The following ADAM12 variants were observed in gnomAD, a reference collection of about 807,000 sequenced individuals.
ADAM12 encodes the protein ADAM metallopeptidase domain 12.
Under a neutral mutation model 106.4 loss-of-function variants are expected in ADAM12, and 70 were observed. The ratio of observed to expected loss-of-function variants is 0.66; its 90% confidence interval spans 0.54 to 0.80. The LOEUF (loss-of-function observed/expected upper bound fraction) is 0.80, where lower values mean the gene tolerates loss of function less well. Ranked by LOEUF, ADAM12 falls within the 30% of genes least tolerant of loss-of-function variation. ADAM12 has a pLI of 0.00. For missense variants in ADAM12, 1,010 were observed against 1,171.9 expected, an observed-to-expected ratio of 0.86 and a Z score of 2.02; for synonymous variants, 420 against 433.5, an observed-to-expected ratio of 0.97 and a Z score of 0.39.
At chr10:126,105,894 T>C (rs187623192) in intron 8 of ADAM12, among the ~76,000 whole-genome samples, 26 of 152,324 alleles carry the variant, frequency 1.7e-4, no homozygotes, top group Non-Finnish European at 2.1e-4. Flanking sequence ...GCCAGGAAGT[T>C]TGACCTGCTT....
chr10:126,149,270 T>C (rs1482926234), intron 4 of ADAM12, among the ~76,000 whole-genome samples: 1 of 152,172 alleles, frequency 6.6e-6, no homozygotes, highest in Non-Finnish European at 1.5e-5. Flanking sequence ...AGCCCTTCCA[T>C]CCGGGCTGTT....
intron 21 of ADAM12, among the ~76,000 whole-genome samples, chr10:126,027,434 A>T (rs1290909210): frequency 6.6e-6 from 1 of 152,164 alleles, no homozygotes; most frequent in Non-Finnish European, 1.5e-5. Context: ...ACCTCAGGCC[A>T]ATATCCTTGA....
intron 3 of ADAM12, among the ~76,000 whole-genome samples, chr10:126,180,090 T>C (rs936840200): frequency 1.3e-5 from 2 of 152,142 alleles, no homozygotes; most frequent in African/African-American, 4.8e-5. Context: ...TCATCAGAAA[T>C]AACAGTAATT....
intron 3 of ADAM12, among the ~76,000 whole-genome samples, chr10:126,183,887 T>C (rs911855647): frequency 1.3e-5 from 2 of 152,238 alleles, no homozygotes; most frequent in Admixed American, 1.3e-4. Flanking sequence ...CAGAAGAATC[T>C]ATTACTGAAT....
At chr10:126,158,351 T>TG (rs1956859808) in intron 3 of ADAM12, among the ~76,000 whole-genome samples, 1 of 21,928 alleles carries the variant, frequency 4.6e-5, no homozygotes, top group Non-Finnish European at 1.2e-4. Context: ...GCACAGAGCA[T>TG]GAGGGATGCA....
intron 3 of ADAM12, among the ~76,000 whole-genome samples, chr10:126,198,805 T>C (rs991864449): frequency 6.6e-6 from 1 of 152,238 alleles, no homozygotes; most frequent in African/African-American, 2.4e-5. Flanking sequence ...ATTTCATGTG[T>C]ATTTATGAAT....
chr10:126,102,082 G>T (rs923656832), intron 8 of ADAM12, among the ~76,000 whole-genome samples: 5 of 152,146 alleles, frequency 3.3e-5, no homozygotes, highest in Non-Finnish European at 7.4e-5. Context: ...GCAGGGAAAA[G>T]CAACTCCTCC....
At chr10:126,030,411 G>A (rs989932627) in intron 21 of ADAM12, among the ~76,000 whole-genome samples, 1 of 152,172 alleles carries the variant, frequency 6.6e-6, no homozygotes, top group Non-Finnish European at 1.5e-5. Flanking sequence ...TAACAGTGAC[G>A]ATTGCTTCTG....
At chr10:126,310,054 G>A (rs1009551947) in intron 2 of ADAM12, among the ~76,000 whole-genome samples, 3 of 151,814 alleles carry the variant, frequency 2.0e-5, no homozygotes, top group Non-Finnish European at 4.4e-5. Context: ...AGCTGCTCAG[G>A]ACGCTGAGGC....
At chr10:126,243,236 C>G (rs1958562626) in intron 3 of ADAM12, among the ~76,000 whole-genome samples, 1 of 152,184 alleles carries the variant, frequency 6.6e-6, no homozygotes, top group Non-Finnish European at 1.5e-5. Context: ...TTGCTGATGC[C>G]AACAGCCAGC....
intron 3 of ADAM12, among the ~76,000 whole-genome samples, chr10:126,275,864 A>G (rs1959227570): frequency 6.6e-6 from 1 of 152,182 alleles, no homozygotes; most frequent in African/African-American, 2.4e-5. Context: ...TTTGCGAAAC[A>G]TTAATACAAT....
chr10:126,236,711 C>G (rs1005561323), intron 3 of ADAM12, among the ~76,000 whole-genome samples: 1 of 151,716 alleles, frequency 6.6e-6, no homozygotes, highest in African/African-American at 2.4e-5. Flanking sequence ...CAGGAAGGAG[C>G]ACCTGCAGGA....
chr10:126,292,866 T>A (rs890460872), intron 2 of ADAM12, among the ~76,000 whole-genome samples: 46 of 152,214 alleles, frequency 3.0e-4, no homozygotes, highest in Middle Eastern at 3.4e-3. Context: ...GTAAAAAAAA[T>A]AAAAATAAAA....
chr10:126,195,843 G>C (rs1233013605), intron 3 of ADAM12, among the ~76,000 whole-genome samples: 1 of 151,998 alleles, frequency 6.6e-6, no homozygotes, highest in Non-Finnish European at 1.5e-5. Flanking sequence ...TAAAAGACAG[G>C]GGTCCATGAA....
intron 1 of ADAM12, among the ~76,000 whole-genome samples, chr10:126,332,351 G>A (rs555017339): frequency 2.0e-5 from 3 of 152,274 alleles, no homozygotes; most frequent in East Asian, 1.9e-4. Flanking sequence ...TCCGTCCTGT[G>A]CATTTCAGAG....
chr10:126,140,768 A>G (rs1050411025), intron 4 of ADAM12, among the ~76,000 whole-genome samples: 6 of 152,264 alleles, frequency 3.9e-5, no homozygotes, highest in African/African-American at 1.4e-4. Flanking sequence ...TTTTTATAAC[A>G]TAAGTCAAAA....
chr10:126,311,818 G>A (rs537937367), intron 2 of ADAM12, among the ~76,000 whole-genome samples: 1 of 152,160 alleles, frequency 6.6e-6, no homozygotes, highest in Admixed American at 6.5e-5. Context: ...TCTTCATCTG[G>A]CTGCTCATTG....
rs1282155883 is a variant in ADAM12 at position 126,016,453 on chromosome 10, C to T, written c.*826G>A. On this transcript the variant is annotated 3_prime_UTR_variant, in exon 23 of 23. Coordinates refer to ENST00000448723, the MANE Select transcript of ADAM12 (RefSeq NM_001288973.2). Reference sequence around the variant, plus strand: ...GGTTTCTTACAGAAACACCACCTTTCCCAAGCTAAATAACCTACTGGTGGC... The same window carrying T: ...GGTTTCTTACAGAAACACCACCTTTTCCAAGCTAAATAACCTACTGGTGGC... The T allele has an allele frequency of 2.0e-5, 3 of 152,166 alleles. No homozygotes were observed. Among genetic ancestry groups the T allele is most frequent in the African/African-American group, 7.2e-5 (3 of 41,422 alleles). The allele number at this position is 152,166 out of a possible 1,614,324, so 9.4% of individuals were successfully genotyped here.
intron 1 of ADAM12, among the ~76,000 whole-genome samples, chr10:126,359,298 C>G (rs1481639378): frequency 2.0e-5 from 3 of 152,186 alleles, no homozygotes; most frequent in Non-Finnish European, 4.4e-5. Context: ...ATCATGCCTT[C>G]CCAACAGTCC....
Sources: gnomAD v4.1 joint callset for allele counts (sites outside exome capture counted in the v4.1 genomes callset) on GRCh38, gnomAD v4.1.1 for gene constraint, MANE v1.5 for transcripts, NCBI Gene and HGNC (gene_info 2026-07-23, HGNC 2026-07-21) for gene names.